Variants in SLC2A7 observed in about 807,000 individuals in gnomAD.
SLC2A7 encodes the protein solute carrier family 2, facilitated glucose transporter member 7.
SLC2A7 carries 50 observed loss-of-function variants against 50.5 expected under a neutral mutation model. The observed-to-expected ratio is 0.99, with a 90% confidence interval of 0.79 to 1.25. SLC2A7 has a LOEUF of 1.25. SLC2A7 is among the 50% of genes most tolerant of loss of function. SLC2A7 has a pLI of 0.00. For missense variants in SLC2A7, 683 were observed against 679.1 expected (o/e 1.01, Z -0.06); for synonymous variants, 308 against 300.4 (o/e 1.03, Z -0.26).
At chr1:9,007,432 G>A (rs373077707) in intron 9 of SLC2A7, 47 bp from the exon 10 acceptor site, 16 of 1,588,346 alleles carry the variant, frequency 1.0e-5, no homozygotes, top group Non-Finnish European at 1.4e-5. Context: ...GGAGCCCCAC[G>A]TGCGGGGGGG....
At chr1:9,009,602 G>A (rs1380286108) in intron 9 of SLC2A7, among the ~76,000 whole-genome samples, 3 of 152,142 alleles carry the variant, frequency 2.0e-5, no homozygotes, top group African/African-American at 7.2e-5. Flanking sequence ...GACTACAGGT[G>A]CACACCACCA....
intron 5 of SLC2A7, among the ~76,000 whole-genome samples, chr1:9,017,920 C>G (rs972110875): frequency 8.5e-5 from 13 of 152,200 alleles, no homozygotes; most frequent in Non-Finnish European, 1.5e-4. Flanking sequence ...CCAAATTATG[C>G]TGACACTTTT....
At chr1:9,025,778 A>C (rs1415189723) in intron 1 of SLC2A7, among the ~76,000 whole-genome samples, 3 of 152,100 alleles carry the variant, frequency 2.0e-5, no homozygotes. Context: ...TGAGGGCCAA[A>C]GTCTGAGGAG....
chr1:9,015,245 G>T lies in SLC2A7; in HGVS notation c.590-3C>A, dbSNP rs199951500. On this transcript the variant is annotated splice_region_variant and splice_polypyrimidine_tract_variant and intron_variant, in intron 5 of 11. Coordinates refer to ENST00000400906, the MANE Select transcript of SLC2A7 (RefSeq NM_207420.3). ...GAGCGCCAGAAGCACCGGCCAGCCT[G>T]CAAGGAGCCAAGGACTCAGGATCCC... The T allele has an allele frequency of 1.3e-4, 199 of 1,588,146 alleles. 1 individual carries two copies. In the East Asian group the frequency reaches 3.1e-3, roughly 25 times the overall value.
chr1:9,002,435 T>C (rs765428386), downstream of SLC2A7, among the ~76,000 whole-genome samples: 1 of 152,202 alleles, frequency 6.6e-6, no homozygotes, highest in Non-Finnish European at 1.5e-5. Context: ...GCAATACTGC[T>C]CTTTACTACA....
At chr1:9,015,831 C>T (rs1297802128) in intron 5 of SLC2A7, among the ~76,000 whole-genome samples, 2 of 151,778 alleles carry the variant, frequency 1.3e-5, no homozygotes, top group Non-Finnish European at 2.9e-5. Flanking sequence ...TCATGTGATC[C>T]TCCCACCACA....
At chr1:9,014,531 G>C in intron 7 of SLC2A7, 150 bp downstream of exon 7, 1 of 877,914 alleles carries the variant, frequency 1.1e-6, no homozygotes, top group South Asian at 1.8e-5. Flanking sequence ...AGGCAGAGAG[G>C]AGTGAGGTTT....
chr1:9,023,154 A>G, intron 2 of SLC2A7, 76 bp from the exon 3 acceptor site: 1 of 1,506,290 alleles, frequency 6.6e-7, no homozygotes, highest in Non-Finnish European at 9.1e-7. Context: ...CTCAGTGGCC[A>G]CTTGTCATTG....
At chr1:8,997,913 G>A in the SLC2A7 span, among the ~76,000 whole-genome samples, 1 of 152,216 alleles carries the variant, frequency 6.6e-6, no homozygotes, top group Admixed American at 6.5e-5. Flanking sequence ...TGTAACCTAA[G>A]CTCACAAAGA....
the SLC2A7 span, among the ~76,000 whole-genome samples, chr1:8,993,648 TAC>T: frequency 5.9e-5 from 9 of 152,162 alleles, no homozygotes; most frequent in African/African-American, 2.2e-4. Flanking sequence ...TTTATTTAGA[TAC>T]AGAGTCTCGC....
At chr1:9,003,557 AAGGCAAC>A in intron 11 of SLC2A7, 39 bp from the exon 12 acceptor site, 1 of 1,577,846 alleles carries the variant, frequency 6.3e-7, no homozygotes, top group Non-Finnish European at 8.7e-7. Context: ...GGGGCAGAGA[AAGGCAAC>A]AGTGCTGATT....
intron 10 of SLC2A7, among the ~76,000 whole-genome samples, chr1:9,006,367 C>T (rs941905895): frequency 6.6e-6 from 1 of 152,190 alleles, no homozygotes; most frequent in Admixed American, 6.5e-5. Flanking sequence ...CCTGCCTCAG[C>T]CTCCCGAGTA....
rs1012598222 is a variant in SLC2A7 at position 9,018,495 on chromosome 1, G to C, written c.437-120C>G. ...ATGCTGTCAGCCCCTCCGTGGAGAT[G>C]GAGCTCGGCCAACCTCGACTGTTTA... On this transcript the variant is annotated intron_variant, in intron 4 of 11. Coordinates refer to ENST00000400906, the MANE Select transcript of SLC2A7 (RefSeq NM_207420.3). The C allele has an allele frequency of 2.2e-6, 3 of 1,390,296 alleles. No homozygotes were observed. In the African/African-American group the frequency reaches 4.3e-5, roughly 20 times the overall value. 86.1% of individuals were successfully genotyped at this position (1,390,296 alleles called of 1,614,324 possible). A position where few individuals can be genotyped will look rare whatever the true frequency, so the allele number is the denominator to read the frequency against.
At position 9,006,567 on chromosome 1, in the gene SLC2A7, A is replaced by C. The variant is rs560856467; in HGVS notation, c.1192+743T>G. Among the ~76,000 whole-genome samples the C allele has an allele frequency of 1.2e-4, 18 of 152,314 alleles. 1 individual carries two copies. The South Asian group carries it at 2.1e-3, about 18-fold the overall frequency. ...ATGCCAGGCCTAAATCCCACTTCTT[A>C]AATACCCTTAAATACAAGTATGTGG... On this transcript the variant is annotated intron_variant, in intron 10 of 11. Coordinates refer to ENST00000400906, the MANE Select transcript of SLC2A7 (RefSeq NM_207420.3).
Position 9,003,417 on chromosome 1 carries a change from A to C in SLC2A7, c.1422T>G (p.Phe474Leu). Residue 474 changes from phenylalanine to leucine, a missense_variant, in exon 12 of 12, where the codon TTT (phenylalanine) becomes TTG (leucine). By Grantham distance (22) the Phe-to-Leu change is conservative (BLOSUM62 0). Coordinates refer to ENST00000400906, the MANE Select transcript of SLC2A7 (RefSeq NM_207420.3). ...TGGCAAAAATGCGGTTTATCTCCAC[A>C]AATGTTTTGCCCTTGGTCTCCGGAA... ...VVIPETKGKT[F>L]VEINRIFAKR... 1 of 1,614,202 alleles carries C rather than the reference A, an allele frequency of 6.2e-7. No homozygotes were observed. The highest frequency in any genetic ancestry group is 1.1e-5 in the South Asian group (1 of 91,088).
intron 8 of SLC2A7, among the ~76,000 whole-genome samples, chr1:9,013,230 T>C (rs550617283): frequency 6.6e-6 from 1 of 152,272 alleles, no homozygotes; most frequent in African/African-American, 2.4e-5. Flanking sequence ...GGTTTCATCA[T>C]GTTGGCCAGG....
chr1:9,004,604 G>T, intron 11 of SLC2A7, 148 bp downstream of exon 11: 1 of 953,192 alleles, frequency 1.0e-6, no homozygotes, highest in South Asian at 1.6e-5. Context: ...TTTGCAGGCA[G>T]TGGGGCCACG....
chr1:9,018,798 G>T (rs12562142), intron 4 of SLC2A7, among the ~76,000 whole-genome samples: 4,380 of 152,260 alleles, frequency 0.029, 153 homozygotes, highest in African/African-American at 0.076. Context: ...CCATCTTCCT[G>T]GGACGATACC....
downstream of SLC2A7, among the ~76,000 whole-genome samples, chr1:9,001,433 T>C (rs941739624): frequency 6.6e-6 from 1 of 150,940 alleles, no homozygotes; most frequent in African/African-American, 2.4e-5. Context: ...TTTTTTTTTT[T>C]TTTTTTTAGA....
Sources: gnomAD v4.1 joint callset for allele counts (sites outside exome capture counted in the v4.1 genomes callset) on GRCh38, gnomAD v4.1.1 for gene constraint, MANE v1.5 for transcripts, NCBI Gene and HGNC (gene_info 2026-07-23, HGNC 2026-07-21) for gene names.